TACC1: variants seen among roughly 807,000 people sequenced by gnomAD.
TACC1 encodes transforming acidic coiled-coil-containing protein 1.
Under a neutral mutation model 84.4 loss-of-function variants are expected in TACC1, and 48 were observed. The observed-to-expected ratio is 0.57, with a 90% CI of 0.45 to 0.72. The LOEUF (loss-of-function observed/expected upper bound fraction) is 0.72, where lower values mean the gene tolerates loss of function less well. TACC1 is among the 30% of genes least tolerant of loss of function. The pLI is 0.00. For missense variants in TACC1, 920 were observed against 973.0 expected (o/e 0.95, Z 0.72); for synonymous variants, 372 against 376.3 (o/e 0.99, Z 0.13).
chr8:38,782,719 T>C (rs1339766361), upstream of TACC1, among the ~76,000 whole-genome samples: 3 of 152,244 alleles, frequency 2.0e-5, no homozygotes, highest in South Asian at 2.1e-4. Context: ...ACCAAACATA[T>C]CTATTGGAAT....
chr8:38,839,835 T>A (rs1830876497), intron 8 of TACC1: 2 of 163,556 alleles, frequency 1.2e-5, no homozygotes, highest in African/African-American at 4.8e-5. Flanking sequence ...CTCAGGAAAG[T>A]CTAAAGTCAG....
In TACC1 at chr8:38,806,484, GAGAA is replaced by G. The variant is rs895403673; in HGVS notation, c.278-13034_278-13031del. 1.1e-4 allele frequency among the ~76,000 whole-genome samples: 16 copies of G among 152,042 alleles called. 1 individual carries two copies. The highest frequency in any genetic ancestry group is 6.8e-3 in the Middle Eastern group (2 of 294). ...TGTATGTGTGTGTGTGTGAGAGAGA[GAGAA>G]AGAGAGAGAGGGAGAGAGAGAGAAA... is the stretch of plus-strand genomic sequence containing the variant. On this transcript the variant is annotated intron_variant, in intron 2 of 12. Coordinates refer to ENST00000317827, the MANE Select transcript of TACC1 (RefSeq NM_006283.3).
intron 3 of TACC1, among the ~76,000 whole-genome samples, chr8:38,773,324 C>CA (rs950196896): frequency 1.0e-4 from 15 of 146,554 alleles, no homozygotes; most frequent in South Asian, 6.5e-4. Flanking sequence ...AACTCCGTCT[C>CA]AAAAAAAAAT....
At chr8:38,836,524 CT>C (rs760472913) in intron 7 of TACC1, among the ~76,000 whole-genome samples, 5 of 152,190 alleles carry the variant, frequency 3.3e-5, no homozygotes, top group Non-Finnish European at 5.9e-5. Flanking sequence ...TTGTACCCTT[CT>C]TTATCTTTCA....
chr8:38,748,832 C>T (rs569295671), intron 3 of TACC1, among the ~76,000 whole-genome samples: 13 of 151,666 alleles, frequency 8.6e-5, no homozygotes, highest in East Asian at 3.9e-4. Flanking sequence ...AAAGCCTATA[C>T]GAAGTGGGGA....
At chr8:38,774,633 C>T (rs1245839495) in intron 3 of TACC1, among the ~76,000 whole-genome samples, 2 of 152,202 alleles carry the variant, frequency 1.3e-5, no homozygotes. Flanking sequence ...GCTAGGACTA[C>T]AGGTGTGCAT....
At position 38,831,875 on chromosome 8, in the gene TACC1, CG is replaced by C. The variant is rs1168276160; in HGVS notation, c.1713+700del. Among the ~76,000 whole-genome samples the C allele has an allele frequency of 2.0e-5, 3 of 151,376 alleles. No homozygotes were observed. In the East Asian group the frequency reaches 5.8e-4, roughly 29 times the overall value. On this transcript the variant is annotated intron_variant, in intron 6 of 12. Transcript: ENST00000317827. ...AGGTTGGAGTACAGTGACGCAATCT[CG>C]GCTCACTACAACCTCCACCTACTGG...
intron 2 of TACC1, among the ~76,000 whole-genome samples, chr8:38,799,352 T>G (rs1231011677): frequency 6.6e-6 from 1 of 152,136 alleles, no homozygotes; most frequent in Non-Finnish European, 1.5e-5. Context: ...TGCCCTGCAG[T>G]GGGCACTGAT....
In TACC1 at chr8:38,787,740, T is replaced by C. The variant is rs188886230; in HGVS notation, c.158T>C (p.Phe53Ser). ...CAAGCCGAGACCAAATCCTTGAGTT[T>C]CAGGCAAGTACACGGCGTCCCCGCT... ...DSQAETKSLSFSSDSEGNFET... is the reference protein window; with the variant it reads ...DSQAETKSLSSSSDSEGNFET... Residue 53 changes from phenylalanine (F) to serine (S), a missense_variant, in exon 1 of 13, where the codon TTC becomes TCC. Around this residue, in one of 2 missense-constraint regions of TACC1, gnomAD observed 762 missense variants for 747.3 expected, o/e 1.02. Transcript: ENST00000317827. The C allele has an allele frequency of 1.3e-6, 2 of 1,538,312 alleles. No homozygotes were observed. Among genetic ancestry groups the C allele is most frequent in the African/African-American group, 2.8e-5 (2 of 71,744 alleles).
intron 1 of TACC1, among the ~76,000 whole-genome samples, chr8:38,733,539 T>C (rs764133824): frequency 4.6e-5 from 7 of 152,180 alleles, no homozygotes; most frequent in Non-Finnish European, 1.0e-4. Context: ...TCCTTTCTGA[T>C]GGTCTGAGGT....
chr8:38,740,017 G>T (rs529018712), intron 1 of TACC1, among the ~76,000 whole-genome samples: 1 of 152,338 alleles, frequency 6.6e-6, no homozygotes, highest in Non-Finnish European at 1.5e-5. Context: ...CAAGAGAAGA[G>T]ACAGACCCAG....
At chr8:38,813,288 T>C (rs532210306) in intron 2 of TACC1, among the ~76,000 whole-genome samples, 16 of 152,340 alleles carry the variant, frequency 1.1e-4, no homozygotes, top group Admixed American at 9.1e-4. Flanking sequence ...TCAGATGTTA[T>C]GTGATCAAGG....
At chr8:38,742,375 G>A (rs7814409) in exon 2 of TACC1, 202,636 of 1,467,708 alleles carry the variant, frequency 0.14, 14,569 homozygotes, top group South Asian at 0.17. Flanking sequence ...AGGCCAGAGA[G>A]AGGTCCTGGT....
At chr8:38,771,879 A>G (rs1464555366) in intron 3 of TACC1, among the ~76,000 whole-genome samples, 1 of 152,172 alleles carries the variant, frequency 6.6e-6, no homozygotes, top group Non-Finnish European at 1.5e-5. Flanking sequence ...AGTGAGGACT[A>G]CAATCACACG....
chr8:38,829,435 A>G (rs374769664), intron 5 of TACC1, among the ~76,000 whole-genome samples: 14 of 152,034 alleles, frequency 9.2e-5, no homozygotes, highest in Non-Finnish European at 1.5e-5. Context: ...TATTCTTAAC[A>G]CCTGCCTTGG....
intron 3 of TACC1, among the ~76,000 whole-genome samples, chr8:38,748,056 A>G (rs1167822288): frequency 6.6e-6 from 1 of 152,184 alleles, no homozygotes; most frequent in Non-Finnish European, 1.5e-5. Flanking sequence ...CTAAATATAA[A>G]CTATGTGCAA....
chr8:38,741,159 T>A (rs911424726), intron 1 of TACC1, among the ~76,000 whole-genome samples: 2 of 128,990 alleles, frequency 1.6e-5, no homozygotes, highest in South Asian at 4.5e-4. Flanking sequence ...ATGCTGCTAT[T>A]TTTTTTTTTT....
Position 38,757,463 on chromosome 8 carries a change from C to T in TACC1, c.26+11970C>T, listed in dbSNP as rs549093822. On this transcript the variant is annotated intron_variant, in intron 3 of 14. Transcript: ENST00000518415. ...GCCTTTGGGGGTTTGCGTGCCAGCC[C>T]GGGATGGAGCGCGCTGGGGCCCGTC... 5.3e-5 allele frequency: 59 copies of T among 1,105,986 alleles called. No homozygotes were observed. The South Asian group carries it at 9.2e-4, about 17-fold the overall frequency. 68.5% of individuals were successfully genotyped at this position (1,105,986 alleles called of 1,614,324 possible). A position where few individuals can be genotyped will look rare whatever the true frequency, so the allele number is the denominator to read the frequency against.
chr8:38,763,091 G>A (rs1198407379), intron 3 of TACC1, among the ~76,000 whole-genome samples: 1 of 152,088 alleles, frequency 6.6e-6, no homozygotes, highest in East Asian at 1.9e-4. Context: ...GTTATTTTCT[G>A]TTGTTGTTTT....
Sources: gnomAD v4.1 joint callset for allele counts (sites outside exome capture counted in the v4.1 genomes callset) on GRCh38, gnomAD v4.1.1 for gene constraint, gnomAD v4.1.1 regional missense constraint, MANE v1.5 for transcripts, NCBI Gene and HGNC (gene_info 2026-07-23, HGNC 2026-07-21) for gene names.